Variants in CNTLN observed in about 807,000 individuals in gnomAD.
The protein encoded by CNTLN is centlein, also known as centlein, centrosomal protein.
Under a neutral mutation model 180.0 loss-of-function variants are expected in CNTLN, and 212 were observed. The ratio of observed to expected loss-of-function variants is 1.18; its 90% CI spans 1.05 to 1.32. CNTLN has a LOEUF of 1.32. Among genes scored for constraint, CNTLN ranks in the 40% most tolerant of loss-of-function variants. The pLI is 0.00. For missense variants in CNTLN, 2,095 were observed against 1,610.9 expected (o/e 1.30, Z -5.14); for synonymous variants, 722 against 563.1 (o/e 1.28, Z -3.99).
At chr9:17,154,396 C>T (rs1041631733) in intron 2 of CNTLN, among the ~76,000 whole-genome samples, 14 of 152,224 alleles carry the variant, frequency 9.2e-5, no homozygotes, top group African/African-American at 3.4e-4. Context: ...AGTCAGGCCC[C>T]TCTTCTGCAG....
intron 6 of CNTLN, 98 bp downstream of exon 6, chr9:17,273,964 C>A: frequency 1.1e-6 from 1 of 936,206 alleles, no homozygotes; most frequent in South Asian, 1.9e-5. Context: ...AAAATAATAA[C>A]TATGTTTTCT....
intron 2 of CNTLN, among the ~76,000 whole-genome samples, chr9:17,151,572 T>C (rs1217082199): frequency 6.6e-6 from 1 of 152,252 alleles, no homozygotes; most frequent in Non-Finnish European, 1.5e-5. Context: ...CACTATTTTA[T>C]TGAGGATTTT....
intron 5 of CNTLN, among the ~76,000 whole-genome samples, chr9:17,245,691 C>G (rs370032471): frequency 1.3e-5 from 2 of 151,912 alleles, no homozygotes; most frequent in East Asian, 1.9e-4. Flanking sequence ...TGCCCTTTCA[C>G]TTTATTTTCT....
the CNTLN span, among the ~76,000 whole-genome samples, chr9:17,525,898 T>C: frequency 6.6e-6 from 1 of 152,210 alleles, no homozygotes. Context: ...AGCATACAAA[T>C]GTCTTTGGAC....
chr9:17,437,465 G>C (rs573465102), intron 18 of CNTLN, among the ~76,000 whole-genome samples: 2 of 152,152 alleles, frequency 1.3e-5, no homozygotes, highest in Admixed American at 6.5e-5. Flanking sequence ...TTATATTTCT[G>C]GTAGTGTCCT....
intron 5 of CNTLN, among the ~76,000 whole-genome samples, chr9:17,246,401 T>A (rs1473830643): frequency 6.6e-6 from 1 of 152,140 alleles, no homozygotes; most frequent in African/African-American, 2.4e-5. Context: ...CTGAAACAAA[T>A]GGAATCTTTC....
At chr9:17,214,778 C>G (rs922761745) in intron 2 of CNTLN, among the ~76,000 whole-genome samples, 1 of 152,122 alleles carries the variant, frequency 6.6e-6, no homozygotes, top group African/African-American at 2.4e-5. Context: ...CTCTAAACTT[C>G]TCTTCTCACT....
chr9:17,416,124 GA>G lies in CNTLN; in HGVS notation c.3053del (p.Lys1018SerfsTer20), dbSNP rs1828225085. 1 of 1,613,610 alleles carries G rather than the reference GA, an allele frequency of 6.2e-7. No homozygotes were observed. The highest frequency in any genetic ancestry group is 8.5e-7 in the Non-Finnish European group (1 of 1,179,754). On this transcript the variant is annotated frameshift_variant, in exon 18 of 26. Transcript: ENST00000380647. LOFTEE classifies it high-confidence loss of function. ...LSVKEYKEVN[E>X]KLLHQQQVSD... ...TGTTAAAGAATATAAAGAAGTTAATGAAAAGCTCCTCCATCAACAGCAAGTA... is the reference window on the plus strand; with the variant it reads ...TGTTAAAGAATATAAAGAAGTTAATGAAAGCTCCTCCATCAACAGCAAGTA...
chr9:17,332,497 T>C, intron 9 of CNTLN, 108 bp from the exon 10 acceptor site: 1 of 1,082,148 alleles, frequency 9.2e-7, no homozygotes, highest in Non-Finnish European at 1.3e-6. Context: ...TTTTTTTTTT[T>C]TTTATAATTC....
chr9:17,318,993 G>A (rs901373400), intron 8 of CNTLN, among the ~76,000 whole-genome samples: 1 of 152,152 alleles, frequency 6.6e-6, no homozygotes, highest in East Asian at 1.9e-4. Context: ...CTTATAGATA[G>A]GAATGCAGAT....
At chr9:17,490,624 A>G (rs1337067228) in intron 25 of CNTLN, among the ~76,000 whole-genome samples, 1 of 152,030 alleles carries the variant, frequency 6.6e-6, no homozygotes, top group Non-Finnish European at 1.5e-5. Flanking sequence ...TTCTCTGAGG[A>G]TGATGAAAAT....
chr9:17,260,325 A>C (rs1231744747), intron 5 of CNTLN, among the ~76,000 whole-genome samples: 1 of 151,056 alleles, frequency 6.6e-6, no homozygotes, highest in East Asian at 1.9e-4. Context: ...GTTTGATTGC[A>C]CTGTGGTCTG....
chr9:17,401,257 T>C (rs1826951018), intron 15 of CNTLN, among the ~76,000 whole-genome samples: 2 of 152,264 alleles, frequency 1.3e-5, no homozygotes, highest in Non-Finnish European at 2.9e-5. Flanking sequence ...GACCAGACTA[T>C]ATATACATAG....
chr9:17,463,931 T>C (rs543409286), intron 20 of CNTLN, among the ~76,000 whole-genome samples: 23 of 17,794 alleles, frequency 1.3e-3, no homozygotes, highest in African/African-American at 2.3e-3. Flanking sequence ...ATTCTTGTTT[T>C]AGTAGTAGCA....
intron 13 of CNTLN, among the ~76,000 whole-genome samples, chr9:17,378,419 T>C (rs2133563871): frequency 6.6e-6 from 1 of 152,300 alleles, no homozygotes; most frequent in Non-Finnish European, 1.5e-5. Context: ...GATCTCGTGA[T>C]CCACATGCCT....
At position 17,176,410 on chromosome 9, in the gene CNTLN, A is replaced by G. The variant is rs189685342; in HGVS notation, c.449+33034A>G. ...GTGGAATACATGGATTTATTTTTGA[A>G]TACTGAACCAGCTTTGCCTACTGGA... On this transcript the variant is annotated intron_variant, in intron 2 of 25. Coordinates refer to ENST00000380647, the MANE Select transcript of CNTLN (RefSeq NM_017738.4). Among the ~76,000 whole-genome samples, 842 of 152,252 alleles carry G rather than the reference A, an allele frequency of 5.5e-3. 6 individuals are homozygous for G. The highest frequency in any genetic ancestry group is 8.1e-3 in the Admixed American group (124 of 15,300).
chr9:17,385,932 C>G (rs985001540), intron 13 of CNTLN, among the ~76,000 whole-genome samples: 2 of 152,154 alleles, frequency 1.3e-5, no homozygotes, highest in Non-Finnish European at 2.9e-5. Flanking sequence ...CAAGTACCTT[C>G]TGAAGTAAAA....
At chr9:17,178,678 G>T (rs914585488) in intron 2 of CNTLN, among the ~76,000 whole-genome samples, 6 of 119,196 alleles carry the variant, frequency 5.0e-5, no homozygotes, top group Non-Finnish European at 9.4e-5. Flanking sequence ...GCCGCTCCAA[G>T]TGCGGGGACC....
chr9:17,446,946 T>G (rs1005542152), intron 18 of CNTLN, among the ~76,000 whole-genome samples: 2 of 152,246 alleles, frequency 1.3e-5, no homozygotes, highest in African/African-American at 2.4e-5. Context: ...CATAGTCTGT[T>G]TCTGATAACT....
Sources: gnomAD v4.1 joint callset for allele counts (sites outside exome capture counted in the v4.1 genomes callset) on GRCh38, gnomAD v4.1.1 for gene constraint, MANE v1.5 for transcripts, NCBI Gene and HGNC (gene_info 2026-07-23, HGNC 2026-07-21) for gene names.